GC: variants seen among roughly 807,000 people sequenced by gnomAD.
GC encodes the protein vitamin D-binding protein.
GC carries 43 observed loss-of-function variants against 56.7 expected under a neutral mutation model. That is an observed-to-expected ratio of 0.76 (90% CI 0.59 to 0.98). The LOEUF is 0.98. GC is among the 50% of genes least tolerant of loss of function. The pLI is 0.00. For synonymous variants in GC, 216 were observed against 202.7 expected (o/e 1.07, Z -0.56); for missense variants, 529 against 545.9 (o/e 0.97, Z 0.31).
intron 1 of GC, among the ~76,000 whole-genome samples, chr4:71,795,934 A>G (rs2149310118): frequency 6.6e-6 from 1 of 152,338 alleles, no homozygotes; most frequent in East Asian, 1.9e-4. Flanking sequence ...TTGGCTGGAT[A>G]TGAAATTCTG....
At chr4:71,764,667 C>T (rs1742101270) in intron 4 of GC, among the ~76,000 whole-genome samples, 1 of 151,966 alleles carries the variant, frequency 6.6e-6, no homozygotes, top group Admixed American at 6.6e-5. Context: ...ATTTCTATTT[C>T]TGGGAATAGA....
chr4:71,800,252 C>T (rs1218621535), intron 1 of GC, among the ~76,000 whole-genome samples: 1 of 152,068 alleles, frequency 6.6e-6, no homozygotes, highest in Non-Finnish European at 1.5e-5. Flanking sequence ...CCCTGGCAGG[C>T]CCCGGTGTGT....
chr4:71,762,800 T>C (rs1742025676), intron 6 of GC, among the ~76,000 whole-genome samples: 2 of 152,206 alleles, frequency 1.3e-5, no homozygotes, highest in South Asian at 4.1e-4. Flanking sequence ...TGCTCCTCCT[T>C]GCCTTCCACC....
chr4:71,795,258 T>C (rs1743069455), intron 1 of GC, among the ~76,000 whole-genome samples: 1 of 152,204 alleles, frequency 6.6e-6, no homozygotes, highest in African/African-American at 2.4e-5. Flanking sequence ...GACAGTGGCA[T>C]GTTAAAGTCT....
intron 1 of GC, among the ~76,000 whole-genome samples, chr4:71,791,856 C>T (rs376541787): frequency 6.2e-4 from 95 of 152,200 alleles, no homozygotes; most frequent in African/African-American, 1.9e-3. Flanking sequence ...TGATGCTCCC[C>T]GCCCTGTGTC....
In GC at chr4:71,768,371, A is replaced by G; in HGVS notation, c.191T>C (p.Val64Ala). 6.2e-7 allele frequency: 1 copy of G among 1,613,380 alleles called. No individual in the cohort carries two copies. The highest frequency in any genetic ancestry group is 8.5e-7 in the Non-Finnish European group (1 of 1,179,478). ...TTCGGTCAAGGAGACAACTTCCTTC[A>G]CAAGTTGGCTGACCTGTTCAAACGT... The part of the protein sequence containing the change: ...SGTFEQVSQL[V>A]KEVVSLTEAC... Residue 64 changes from valine (V) to alanine (A), a missense_variant, in exon 3 of 13, where the codon GTG becomes GCG. Physicochemically the swap from Val to Ala is moderately conservative, Grantham distance 64. Transcript: ENST00000273951.
At position 71,748,722 on chromosome 4, in the gene GC, AT is replaced by A. The variant is rs557650904; in HGVS notation, c.1396-2518del. Among the ~76,000 whole-genome samples the A allele has an allele frequency of 3.3e-5, 5 of 152,226 alleles. No homozygotes were observed. The South Asian group carries it at 1.0e-3, about 32-fold the overall frequency. Reference sequence around the variant, plus strand: ...AAAAGAAAATGACATTGATTGTTCTATTTCCTGGTCATTTCAAGATTGGGTG... The same window carrying A: ...AAAAGAAAATGACATTGATTGTTCTATTCCTGGTCATTTCAAGATTGGGTG... On this transcript the variant is annotated intron_variant, in intron 11 of 12. Transcript: ENST00000273951.
chr4:71,799,180 C>A (rs1196919015), intron 1 of GC, among the ~76,000 whole-genome samples: 2 of 152,144 alleles, frequency 1.3e-5, no homozygotes, highest in African/African-American at 4.8e-5. Context: ...GGGCATATAG[C>A]AAATGAAGCA....
At chr4:71,796,268 G>T (rs868476760) in intron 1 of GC, among the ~76,000 whole-genome samples, 1 of 152,134 alleles carries the variant, frequency 6.6e-6, no homozygotes, top group African/African-American at 2.4e-5. Flanking sequence ...TTCTAACTTG[G>T]TTCCATTCTC....
At chr4:71,795,082 A>G (rs541836496) in intron 1 of GC, among the ~76,000 whole-genome samples, 12 of 152,140 alleles carry the variant, frequency 7.9e-5, no homozygotes, top group African/African-American at 2.9e-4. Flanking sequence ...TTCCAATTAC[A>G]TGGTCAATTT....
chr4:71,762,786 G>A (rs1742024939), intron 6 of GC, among the ~76,000 whole-genome samples: 1 of 152,146 alleles, frequency 6.6e-6, no homozygotes, highest in African/African-American at 2.4e-5. Context: ...CGTAAGATGT[G>A]ACTTGCTCCT....
chr4:71,752,674 G>A (rs1260390790), intron 10 of GC, 24 bp from the exon 11 acceptor site: 2 of 1,597,072 alleles, frequency 1.3e-6, no homozygotes. Context: ...TAAATGTAAG[G>A]TCTTACTACA....
intron 6 of GC, 85 bp from the exon 7 acceptor site, chr4:71,758,256 A>G (rs1560695059): frequency 1.5e-5 from 18 of 1,224,990 alleles, no homozygotes; most frequent in South Asian, 4.0e-5. Context: ...TGGAGAAATA[A>G]TATCACAATT....
intron 8 of GC, among the ~76,000 whole-genome samples, chr4:71,755,563 C>A (rs1375442328): frequency 6.6e-6 from 1 of 152,138 alleles, no homozygotes; most frequent in African/African-American, 2.4e-5. Flanking sequence ...TCTAAATCAA[C>A]AGGCTTTGGA....
At chr4:71,755,737 G>C (rs1367980486) in intron 8 of GC, among the ~76,000 whole-genome samples, 2 of 152,134 alleles carry the variant, frequency 1.3e-5, no homozygotes, top group African/African-American at 2.4e-5. Context: ...TAATGCAATT[G>C]ACTCTGTATA....
rs1560718657 is a variant in GC at position 71,802,976 on chromosome 4, A to G, written c.21+950T>C. 3.5e-5 allele frequency among the ~76,000 whole-genome samples: 3 copies of G among 85,032 alleles called. No individual in the cohort carries two copies. The South Asian group carries it at 1.9e-3, about 54-fold the overall frequency. 55.8% of individuals were successfully genotyped at this position (85,032 alleles called of 152,430 possible). On this transcript the variant is annotated intron_variant, in intron 1 of 13. Transcript: ENST00000504199. ...CACACCATCACAGTCAAAAAATTGT[A>G]AGTCAAACCATTATATAATAAGTCA...
chr4:71,763,299 G>A (rs1262418224), intron 6 of GC, 109 bp downstream of exon 6: 1 of 482,776 alleles, frequency 2.1e-6, no homozygotes. Flanking sequence ...GAGCTGAAAA[G>A]TCTATTTTAT....
chr4:71,793,146 T>C (rs1299824882), intron 1 of GC, among the ~76,000 whole-genome samples: 1 of 152,222 alleles, frequency 6.6e-6, no homozygotes, highest in African/African-American at 2.4e-5. Context: ...CAAGTCAGGC[T>C]CTTTTTTGGT....
intron 1 of GC, among the ~76,000 whole-genome samples, chr4:71,770,914 T>C (rs1374592143): frequency 1.3e-5 from 2 of 152,180 alleles, no homozygotes; most frequent in African/African-American, 2.4e-5. Flanking sequence ...AGGGAAGAGC[T>C]AGTTACTAAT....
Sources: allele counts gnomAD v4.1 joint callset (sites outside exome capture counted in the v4.1 genomes callset), GRCh38; gene constraint gnomAD v4.1.1; transcripts MANE v1.5; gene names NCBI Gene and HGNC (gene_info 2026-07-23, HGNC 2026-07-21).